SMCO2: variants seen among roughly 807,000 people sequenced by gnomAD.
The protein encoded by SMCO2 is single-pass membrane and coiled-coil domain-containing protein 2.
SMCO2 carries 25 observed loss-of-function variants against 29.5 expected under a neutral mutation model. That is an observed-to-expected ratio of 0.85 (90% CI 0.62 to 1.18). The LOEUF (loss-of-function observed/expected upper bound fraction) is 1.18, where lower values mean the gene tolerates loss of function less well. SMCO2 is among the 50% of genes most tolerant of loss of function. The pLI is 0.00. For synonymous variants in SMCO2, 117 were observed against 123.3 expected, an observed-to-expected ratio of 0.95 and a Z score of 0.34; for missense variants, 348 against 344.5, an observed-to-expected ratio of 1.01 and a Z score of -0.08.
At chr12:27,427,810 G>C in the SMCO2 span, among the ~76,000 whole-genome samples, 1 of 152,194 alleles carries the variant, frequency 6.6e-6, no homozygotes, top group African/African-American at 2.4e-5. Context: ...TTGCAATAAA[G>C]AGTTTCATAA....
rs138683926 is a variant in SMCO2, at chr12:27,478,847, C to T, written c.362+3934C>T. ...GTGGCAGGCACTGGTGCTGGCAACACGGGGGGCGGGCCTGTCCTCAAACTC... is the reference window on the plus strand; with the variant it reads ...GTGGCAGGCACTGGTGCTGGCAACATGGGGGGCGGGCCTGTCCTCAAACTC... On this transcript the variant is annotated intron_variant, in intron 4 of 7. Transcript: ENST00000298876. Among the ~76,000 whole-genome samples, 1,456 of 152,156 alleles carry T rather than the reference C, an allele frequency of 9.6e-3. 9 individuals are homozygous for T. The highest frequency in any genetic ancestry group is 0.011 in the African/African-American group (450 of 41,530).
At chr12:27,479,334 C>T (rs1419197726) in intron 4 of SMCO2, among the ~76,000 whole-genome samples, 1 of 151,498 alleles carries the variant, frequency 6.6e-6, no homozygotes, top group Non-Finnish European at 1.5e-5. Flanking sequence ...CCAGTAGTGG[C>T]TAGTGGGTGG....
intron 1 of SMCO2, among the ~76,000 whole-genome samples, chr12:27,469,342 C>G (rs892590328): frequency 5.9e-5 from 9 of 152,252 alleles, no homozygotes; most frequent in African/African-American, 1.9e-4. Context: ...TAGTTCTTTC[C>G]TGATGCTTCT....
chr12:27,430,436 C>T, the SMCO2 span, among the ~76,000 whole-genome samples: 13 of 151,978 alleles, frequency 8.6e-5, no homozygotes, highest in African/African-American at 3.1e-4. Flanking sequence ...TTAACATTTC[C>T]TTTTAAAGTT....
At chr12:27,466,887 A>T (rs1214399433) in exon 1 of SMCO2, 5 of 152,272 alleles carry the variant, frequency 3.3e-5, no homozygotes, top group African/African-American at 1.2e-4. Flanking sequence ...GCACCACTGG[A>T]ACAGGAAAAC....
the SMCO2 span, among the ~76,000 whole-genome samples, chr12:27,425,805 A>G: frequency 6.6e-6 from 1 of 152,168 alleles, no homozygotes; most frequent in Non-Finnish European, 1.5e-5. Context: ...GTCAACCATC[A>G]TGAATTATAA....
chr12:27,444,826 C>T, the SMCO2 span, among the ~76,000 whole-genome samples: 2 of 152,094 alleles, frequency 1.3e-5, no homozygotes, highest in Non-Finnish European at 2.9e-5. Flanking sequence ...TCCAGCAATG[C>T]CACTCCTGGG....
intron 3 of SMCO2, among the ~76,000 whole-genome samples, chr12:27,473,496 C>T (rs2135547988): frequency 6.6e-6 from 1 of 152,304 alleles, no homozygotes; most frequent in South Asian, 2.1e-4. Flanking sequence ...TCTGCAAAGA[C>T]TCTTTTTCCA....
exon 2 of SMCO2, chr12:27,470,748 T>C (rs757701331): frequency 1.0e-5 from 16 of 1,550,798 alleles, no homozygotes; most frequent in Non-Finnish European, 8.7e-7. Context: ...TCAATGTGAC[T>C]GAAGGTGCAA....
At chr12:27,479,536 C>T (rs1195812869) in intron 4 of SMCO2, among the ~76,000 whole-genome samples, 1 of 152,172 alleles carries the variant, frequency 6.6e-6, no homozygotes, top group Non-Finnish European at 1.5e-5. Context: ...TTAGGGAGAA[C>T]TGGCTCATAT....
intron 2 of SMCO2, among the ~76,000 whole-genome samples, chr12:27,471,513 T>G (rs192598460): frequency 6.6e-6 from 1 of 152,258 alleles, no homozygotes; most frequent in Admixed American, 6.5e-5. Flanking sequence ...ATATCACACA[T>G]TTATTGTGAC....
At chr12:27,470,069 C>T (rs1172704619) in intron 1 of SMCO2, among the ~76,000 whole-genome samples, 1 of 152,122 alleles carries the variant, frequency 6.6e-6, no homozygotes, top group Non-Finnish European at 1.5e-5. Context: ...ATCATTATTG[C>T]ATTATTTATA....
At chr12:27,426,021 A>G in the SMCO2 span, among the ~76,000 whole-genome samples, 1 of 152,344 alleles carries the variant, frequency 6.6e-6, no homozygotes, top group East Asian at 1.9e-4. Context: ...CAGATTAGCC[A>G]GGCTGTGATA....
intron 3 of SMCO2, 27 bp downstream of exon 3, chr12:27,472,902 G>C: frequency 6.7e-7 from 1 of 1,489,016 alleles, no homozygotes; most frequent in South Asian, 1.2e-5. Context: ...GGGTAAGAGA[G>C]ACACTTAAAT....
chr12:27,437,337 T>C, the SMCO2 span, among the ~76,000 whole-genome samples: 7 of 152,202 alleles, frequency 4.6e-5, no homozygotes, highest in Non-Finnish European at 2.9e-5. Context: ...CAACACCTTT[T>C]GGAGAAGGTC....
chr12:27,476,281 A>T (rs1949585606), intron 4 of SMCO2, among the ~76,000 whole-genome samples: 1 of 152,212 alleles, frequency 6.6e-6, no homozygotes, highest in Non-Finnish European at 1.5e-5. Flanking sequence ...GGCCTAACAT[A>T]TGGTCTATCC....
intron 4 of SMCO2, among the ~76,000 whole-genome samples, chr12:27,483,095 T>G (rs973162260): frequency 6.6e-6 from 1 of 152,248 alleles, no homozygotes; most frequent in Admixed American, 6.5e-5. Flanking sequence ...AAATGATATG[T>G]GTGCAATACA....
At chr12:27,449,803 T>A in the SMCO2 span, among the ~76,000 whole-genome samples, 1 of 152,216 alleles carries the variant, frequency 6.6e-6, no homozygotes, top group Non-Finnish European at 1.5e-5. Context: ...GACAGGCTCT[T>A]ACAAGGCCAG....
At chr12:27,454,706 C>T in the SMCO2 span, among the ~76,000 whole-genome samples, 1 of 152,178 alleles carries the variant, frequency 6.6e-6, no homozygotes, top group Non-Finnish European at 1.5e-5. Context: ...GGTATTTCTC[C>T]TAATGCTATC....
Sources: gnomAD v4.1 joint callset for allele counts (sites outside exome capture counted in the v4.1 genomes callset) on GRCh38, gnomAD v4.1.1 for gene constraint, MANE v1.5 for transcripts, NCBI Gene and HGNC (gene_info 2026-07-23, HGNC 2026-07-21) for gene names.